CAMTA1: variants seen among roughly 807,000 people sequenced by gnomAD.
CAMTA1 encodes the protein calmodulin-binding transcription activator 1.
In CAMTA1, 27 loss-of-function variants were observed where a neutral mutation model predicts 170.9. The observed-to-expected ratio is 0.16, with a 90% CI of 0.12 to 0.22. The LOEUF (loss-of-function observed/expected upper bound fraction) is 0.22, where lower values mean the gene tolerates loss of function less well. Ranked by LOEUF, CAMTA1 falls within the 10% of genes least tolerant of loss-of-function variation. CAMTA1 has a pLI of 1.00. For synonymous variants in CAMTA1, 833 were observed against 891.5 expected (o/e 0.93, Z 1.17); for missense variants, 1,619 against 2,217.2 (o/e 0.73, Z 5.42).
intron 3 of CAMTA1, among the ~76,000 whole-genome samples, chr1:6,991,851 A>T (rs1696426305): frequency 6.6e-6 from 1 of 151,752 alleles, no homozygotes; most frequent in South Asian, 2.1e-4. Context: ...GGTGACCACC[A>T]CCATACCTGG....
intron 3 of CAMTA1, among the ~76,000 whole-genome samples, chr1:6,926,181 C>T (rs1683041317): frequency 6.6e-6 from 1 of 151,892 alleles, no homozygotes; most frequent in African/African-American, 2.4e-5. Flanking sequence ...TGATCACTCT[C>T]ATCATGCCTA....
chr1:7,614,493 C>T (rs372983556), intron 6 of CAMTA1, among the ~76,000 whole-genome samples: 136 of 152,276 alleles, frequency 8.9e-4, no homozygotes, highest in African/African-American at 3.1e-3. Context: ...AGTCACCGTG[C>T]GACCTTCCCG....
chr1:7,226,883 A>G (rs1661799387), intron 4 of CAMTA1, among the ~76,000 whole-genome samples: 1 of 151,748 alleles, frequency 6.6e-6, no homozygotes, highest in South Asian at 2.1e-4. Context: ...CCCGGGCTGG[A>G]GTGCAGTGGC....
intron 6 of CAMTA1, among the ~76,000 whole-genome samples, chr1:7,506,709 G>A (rs890588545): frequency 2.0e-5 from 3 of 149,736 alleles, no homozygotes; most frequent in Non-Finnish European, 3.0e-5. Context: ...ACACTCACAC[G>A]CTCACACTCA....
In CAMTA1 at chr1:6,842,971, T is replaced by G. The variant is rs549895489; in HGVS notation, c.234+17761T>G. On this transcript the variant is annotated intron_variant, in intron 3 of 22. Coordinates refer to ENST00000303635, the MANE Select transcript of CAMTA1 (RefSeq NM_015215.4). ...AAAAGGAAATCTGGAGGGGAACATT[T>G]GTAATAGGCAAGTGGTCATTATTAA... Among the ~76,000 whole-genome samples, 8 of 152,228 alleles carry G rather than the reference T, an allele frequency of 5.3e-5. No individual in the cohort carries two copies. In the East Asian group the frequency reaches 1.5e-3, roughly 29 times the overall value.
intron 5 of CAMTA1, among the ~76,000 whole-genome samples, chr1:7,370,665 T>C (rs1356713730): frequency 1.3e-5 from 2 of 152,242 alleles, no homozygotes; most frequent in Non-Finnish European, 1.5e-5. Context: ...GGGGTTTTGA[T>C]AGTCGGCGTT....
At chr1:7,687,136 G>A (rs918933266) in intron 11 of CAMTA1, among the ~76,000 whole-genome samples, 6 of 151,810 alleles carry the variant, frequency 4.0e-5, no homozygotes, top group African/African-American at 7.3e-5. Flanking sequence ...GTCTGAGCAC[G>A]AAGACTCCGT....
chr1:6,805,872 T>G (rs1350136978), intron 1 of CAMTA1, among the ~76,000 whole-genome samples: 9 of 152,060 alleles, frequency 5.9e-5, no homozygotes, highest in Non-Finnish European at 2.9e-5. Flanking sequence ...GTCCCATTTA[T>G]CTGTTTTTTT....
At chr1:7,574,963 C>G (rs1407689531) in intron 6 of CAMTA1, among the ~76,000 whole-genome samples, 2 of 152,230 alleles carry the variant, frequency 1.3e-5, no homozygotes, top group Non-Finnish European at 2.9e-5. Flanking sequence ...AGTGCTAAGC[C>G]TAGTGGCAGC....
intron 4 of CAMTA1, among the ~76,000 whole-genome samples, chr1:7,232,317 C>T (rs6703175): frequency 4.2e-4 from 64 of 152,148 alleles, no homozygotes; most frequent in African/African-American, 1.4e-3. Flanking sequence ...CACTCATGGC[C>T]GGCTCTCGCT....
At chr1:7,095,583 C>T (rs1641984605) in intron 4 of CAMTA1, among the ~76,000 whole-genome samples, 1 of 152,242 alleles carries the variant, frequency 6.6e-6, no homozygotes, top group South Asian at 2.1e-4. Flanking sequence ...GCTTTTGTGC[C>T]TGTGAAGGTT....
At chr1:7,122,667 C>T (rs143063684) in intron 4 of CAMTA1, among the ~76,000 whole-genome samples, 5 of 152,282 alleles carry the variant, frequency 3.3e-5, no homozygotes, top group Admixed American at 1.3e-4. Flanking sequence ...GATGGAAGCT[C>T]AGGGCTTCCT....
At chr1:7,613,539 C>T (rs1416479583) in intron 6 of CAMTA1, among the ~76,000 whole-genome samples, 2 of 152,180 alleles carry the variant, frequency 1.3e-5, no homozygotes, top group East Asian at 3.9e-4. Context: ...CCAGGACCTG[C>T]GGGAGTGTTT....
chr1:7,620,493 C>T (rs956560436), intron 6 of CAMTA1, among the ~76,000 whole-genome samples: 1 of 152,140 alleles, frequency 6.6e-6, no homozygotes, highest in African/African-American at 2.4e-5. Flanking sequence ...GGTCTTCACC[C>T]CTCCTTCCCT....
chr1:6,922,633 G>C (rs1232851313), intron 3 of CAMTA1, among the ~76,000 whole-genome samples: 1 of 152,164 alleles, frequency 6.6e-6, no homozygotes, highest in African/African-American at 2.4e-5. Flanking sequence ...ATGCTGTGTT[G>C]CCTTTCATGA....
intron 8 of CAMTA1, among the ~76,000 whole-genome samples, chr1:7,662,218 G>A (rs2095965607): frequency 6.6e-6 from 1 of 152,222 alleles, no homozygotes; most frequent in African/African-American, 2.4e-5. Context: ...TCTGCCAGAG[G>A]GCACTGGGGT....
chr1:7,159,835 T>C (rs543086124), intron 4 of CAMTA1, among the ~76,000 whole-genome samples: 21 of 152,326 alleles, frequency 1.4e-4, no homozygotes, highest in South Asian at 8.3e-4. Context: ...AGGCATGAGC[T>C]ACCACCCCTG....
intron 19 of CAMTA1, among the ~76,000 whole-genome samples, chr1:7,749,289 C>T (rs2096878695): frequency 6.6e-6 from 1 of 152,124 alleles, no homozygotes; most frequent in Admixed American, 6.5e-5. Context: ...TCAAGCTTCT[C>T]TAGGATTAAG....
chr1:7,599,568 A>G (rs2150555716), intron 6 of CAMTA1, among the ~76,000 whole-genome samples: 1 of 152,308 alleles, frequency 6.6e-6, no homozygotes, highest in South Asian at 2.1e-4. Context: ...CTTCCTACCC[A>G]TGAGCATGGA....
Sources: allele counts gnomAD v4.1 joint callset (sites outside exome capture counted in the v4.1 genomes callset), GRCh38; gene constraint gnomAD v4.1.1; transcripts MANE v1.5; gene names NCBI Gene and HGNC (gene_info 2026-07-23, HGNC 2026-07-21).